Variants in CELF4 observed in about 807,000 individuals in gnomAD.
CELF4 encodes CUGBP Elav-like family member 4, also known as CUG-BP- and ETR-3-like factor 4.
Under a neutral mutation model 59.9 loss-of-function variants are expected in CELF4, and 18 were observed. That is an observed-to-expected ratio of 0.30 (90% CI 0.21 to 0.45). CELF4 has a LOEUF of 0.45. Ranked by LOEUF, CELF4 falls within the 20% of genes least tolerant of loss-of-function variation. CELF4 has a pLI of 1.00. For synonymous variants in CELF4, 261 were observed against 267.1 expected (o/e 0.98, Z 0.22); for missense variants, 456 against 689.0 (o/e 0.66, Z 3.79).
At chr18:37,258,798 G>T (rs934349519) in intron 11 of CELF4, among the ~76,000 whole-genome samples, 1 of 152,190 alleles carries the variant, frequency 6.6e-6, no homozygotes, top group African/African-American at 2.4e-5. Flanking sequence ...GAATGGGTGT[G>T]GCTGGGCTCT....
chr18:37,412,611 G>A (rs1418508287), intron 2 of CELF4, among the ~76,000 whole-genome samples: 1 of 151,758 alleles, frequency 6.6e-6, no homozygotes, highest in African/African-American at 2.4e-5. Context: ...TGTGTGGATG[G>A]GTGGGTGGGT....
intron 2 of CELF4, among the ~76,000 whole-genome samples, chr18:37,474,358 C>A (rs1357889839): frequency 6.6e-6 from 1 of 152,212 alleles, no homozygotes; most frequent in Non-Finnish European, 1.5e-5. Context: ...GTGGTGACAC[C>A]TCGAGGGCCA....
intron 3 of CELF4, among the ~76,000 whole-genome samples, chr18:37,277,685 G>A (rs779775751): frequency 2.0e-5 from 3 of 152,178 alleles, no homozygotes; most frequent in Admixed American, 6.5e-5. Flanking sequence ...GCAATTTACT[G>A]GAAGTGAAAT....
chr18:37,551,791 T>C (rs1428909722), intron 1 of CELF4, among the ~76,000 whole-genome samples: 3 of 152,180 alleles, frequency 2.0e-5, no homozygotes, highest in Non-Finnish European at 4.4e-5. Context: ...AGGATAGCCC[T>C]GGCAGTTTCA....
At chr18:37,435,327 A>G (rs996310089) in intron 2 of CELF4, among the ~76,000 whole-genome samples, 1 of 152,068 alleles carries the variant, frequency 6.6e-6, no homozygotes, top group African/African-American at 2.4e-5. Context: ...CCCATTCCCC[A>G]GCCTGTCTGG....
intron 2 of CELF4, among the ~76,000 whole-genome samples, chr18:37,460,953 A>C (rs1224114472): frequency 6.6e-6 from 1 of 152,242 alleles, no homozygotes; most frequent in Admixed American, 6.5e-5. Flanking sequence ...CATCAAGGGA[A>C]GGAAAAACCA....
chr18:37,275,366 A>AGCAGGGCAAG (rs1389096525), intron 3 of CELF4, 123 bp from the exon 4 acceptor site: 1 of 226,546 alleles, frequency 4.4e-6, no homozygotes, highest in Non-Finnish European at 6.2e-6. Context: ...GGGGGCTCGG[A>AGCAGGGCAAG]GCCGGCGGGG....
chr18:37,393,031 G>C (rs771920091), intron 2 of CELF4, among the ~76,000 whole-genome samples: 4 of 152,094 alleles, frequency 2.6e-5, no homozygotes, highest in Non-Finnish European at 4.4e-5. Flanking sequence ...ATATGCCTAG[G>C]CATAGTGTGT....
At chr18:37,561,198 G>A (rs564257123) in intron 1 of CELF4, among the ~76,000 whole-genome samples, 7 of 152,284 alleles carry the variant, frequency 4.6e-5, no homozygotes, top group South Asian at 4.2e-4. Flanking sequence ...CCAGGCTGCC[G>A]GTAAAGTAGA....
intron 2 of CELF4, among the ~76,000 whole-genome samples, chr18:37,423,529 G>T (rs987330680): frequency 8.5e-5 from 13 of 152,118 alleles, no homozygotes; most frequent in South Asian, 4.1e-4. Context: ...GAGAGCAGGG[G>T]TGACTGTCCT....
chr18:37,277,186 G>C (rs895464677), intron 3 of CELF4, among the ~76,000 whole-genome samples: 1 of 152,216 alleles, frequency 6.6e-6, no homozygotes, highest in African/African-American at 2.4e-5. Context: ...TCTCAATGAT[G>C]ATGTGGTACC....
At chr18:37,286,040 C>A (rs2094720153) in intron 3 of CELF4, among the ~76,000 whole-genome samples, 1 of 152,024 alleles carries the variant, frequency 6.6e-6, no homozygotes, top group African/African-American at 2.4e-5. Flanking sequence ...TAAATTATGG[C>A]CAGTTTGTCC....
intron 3 of CELF4, among the ~76,000 whole-genome samples, chr18:37,302,712 G>T (rs1307813089): frequency 6.6e-6 from 1 of 152,210 alleles, no homozygotes; most frequent in Non-Finnish European, 1.5e-5. Flanking sequence ...ATGTGAGCCT[G>T]AAGCTTTATT....
At chr18:37,373,460 C>A (rs940845875) in intron 2 of CELF4, among the ~76,000 whole-genome samples, 9 of 152,248 alleles carry the variant, frequency 5.9e-5, no homozygotes, top group African/African-American at 2.2e-4. Context: ...GACAGAGCCT[C>A]TGCTCCCTGG....
At chr18:37,356,829 C>T (rs567367534) in intron 2 of CELF4, among the ~76,000 whole-genome samples, 4 of 152,194 alleles carry the variant, frequency 2.6e-5, no homozygotes, top group Non-Finnish European at 4.4e-5. Context: ...ATCTCTCTAC[C>T]GGCAGCCTGG....
intron 1 of CELF4, among the ~76,000 whole-genome samples, chr18:37,511,113 G>A (rs1182409282): frequency 6.6e-6 from 1 of 152,130 alleles, no homozygotes. Context: ...TAAATAAAGG[G>A]GAGGATGGTC....
intron 2 of CELF4, among the ~76,000 whole-genome samples, chr18:37,366,997 C>G (rs2098793350): frequency 6.6e-6 from 1 of 152,194 alleles, no homozygotes; most frequent in Non-Finnish European, 1.5e-5. Flanking sequence ...TCTGTGGGAT[C>G]ATCTTGAAAA....
intron 1 of CELF4, among the ~76,000 whole-genome samples, chr18:37,512,135 G>C (rs1013581238): frequency 1.3e-5 from 2 of 152,196 alleles, no homozygotes; most frequent in Non-Finnish European, 1.5e-5. Context: ...GGGACAGTTG[G>C]GGGGCAGGGG....
At chr18:37,306,141 G>A (rs898401180) in intron 3 of CELF4, 41 of 152,366 alleles carry the variant, frequency 2.7e-4, no homozygotes, top group African/African-American at 9.9e-4. Context: ...GGGTCCTGGT[G>A]GGGGGCCAGG....
Sources: allele counts gnomAD v4.1 joint callset (sites outside exome capture counted in the v4.1 genomes callset), GRCh38; gene constraint gnomAD v4.1.1; transcripts MANE v1.5; gene names NCBI Gene and HGNC (gene_info 2026-07-23, HGNC 2026-07-21).